Variants in CDH13 observed in about 807,000 individuals in gnomAD.
CDH13 encodes the protein cadherin-13.
Under a neutral mutation model 63.8 loss-of-function variants are expected in CDH13, and 24 were observed. The observed-to-expected ratio is 0.38, with a 90% CI of 0.27 to 0.53. The LOEUF (loss-of-function observed/expected upper bound fraction) is 0.53, where lower values mean the gene tolerates loss of function less well. Ranked by LOEUF, CDH13 falls within the 20% of genes least tolerant of loss-of-function variation. The pLI is 0.85. For missense variants in CDH13, 1,049 were observed against 903.1 expected (o/e 1.16, Z -2.07); for synonymous variants, 503 against 355.3 (o/e 1.42, Z -4.67).
At chr16:83,530,426 G>A (rs529295851) in intron 7 of CDH13, among the ~76,000 whole-genome samples, 2 of 152,240 alleles carry the variant, frequency 1.3e-5, no homozygotes, top group African/African-American at 4.8e-5. Context: ...TCGTAGTCAC[G>A]GAATCAGGAC....
intron 8 of CDH13, among the ~76,000 whole-genome samples, chr16:83,603,342 C>G (rs1413492177): frequency 2.0e-5 from 3 of 152,166 alleles, no homozygotes; most frequent in African/African-American, 7.2e-5. Flanking sequence ...TACGATGGCC[C>G]CTGACTTTTG....
chr16:82,885,333 A>G (rs2040845886), intron 2 of CDH13, among the ~76,000 whole-genome samples: 1 of 152,178 alleles, frequency 6.6e-6, no homozygotes, highest in African/African-American at 2.4e-5. Flanking sequence ...GCTGAAAAAT[A>G]ATCAGTTTTA....
intron 4 of CDH13, among the ~76,000 whole-genome samples, chr16:83,197,541 C>T (rs537664714): frequency 1.3e-5 from 2 of 152,224 alleles, no homozygotes; most frequent in African/African-American, 4.8e-5. Flanking sequence ...CGTCTCCCCT[C>T]CCCACCCTCA....
intron 2 of CDH13, among the ~76,000 whole-genome samples, chr16:83,003,769 C>G (rs1243012099): frequency 6.6e-6 from 1 of 152,212 alleles, no homozygotes; most frequent in Non-Finnish European, 1.5e-5. Flanking sequence ...TCAAAGGTTC[C>G]TTAGAATGTT....
chr16:83,285,004 G>C (rs1351498771), intron 5 of CDH13, among the ~76,000 whole-genome samples: 1 of 152,100 alleles, frequency 6.6e-6, no homozygotes, highest in Non-Finnish European at 1.5e-5. Flanking sequence ...CTGCACAAAT[G>C]TTAACTCTGG....
intron 5 of CDH13, among the ~76,000 whole-genome samples, chr16:83,325,136 G>A (rs560256317): frequency 1.3e-5 from 2 of 152,270 alleles, no homozygotes; most frequent in African/African-American, 4.8e-5. Flanking sequence ...TGTTTCATAA[G>A]TTCTTAAGTG....
intron 3 of CDH13, among the ~76,000 whole-genome samples, chr16:83,075,380 G>A (rs371360169): frequency 4.6e-5 from 7 of 152,168 alleles, no homozygotes; most frequent in East Asian, 1.9e-4. Flanking sequence ...CCCTGTTAGC[G>A]CTAGTTACAT....
intron 2 of CDH13, among the ~76,000 whole-genome samples, chr16:82,911,473 G>C (rs1480033615): frequency 6.6e-6 from 1 of 152,130 alleles, no homozygotes; most frequent in Non-Finnish European, 1.5e-5. Context: ...GCTACATACG[G>C]AATCTTGATG....
chr16:83,568,161 A>G (rs534668923), intron 7 of CDH13, among the ~76,000 whole-genome samples: 27 of 152,096 alleles, frequency 1.8e-4, no homozygotes, highest in Non-Finnish European at 2.8e-4. Flanking sequence ...GTGCTGGTGG[A>G]ACGAAATGAC....
intron 7 of CDH13, among the ~76,000 whole-genome samples, chr16:83,506,961 C>G (rs997237774): frequency 3.9e-5 from 6 of 152,230 alleles, no homozygotes; most frequent in Non-Finnish European, 8.8e-5. Context: ...TCCATATCTC[C>G]AAGCCACAAA....
intron 1 of CDH13, among the ~76,000 whole-genome samples, chr16:82,751,521 C>A (rs2034415052): frequency 6.6e-6 from 1 of 152,086 alleles, no homozygotes; most frequent in South Asian, 2.1e-4. Context: ...TGGACCAGAG[C>A]TCTGGGGCAG....
chr16:83,486,400 G>T (rs1391396164), intron 6 of CDH13, 77 bp from the exon 7 acceptor site: 19 of 1,275,964 alleles, frequency 1.5e-5, no homozygotes, highest in Non-Finnish European at 1.9e-5. Flanking sequence ...CACTGCTATT[G>T]CCCAGGTGGG....
At chr16:83,267,919 A>G (rs1313038492) in intron 5 of CDH13, among the ~76,000 whole-genome samples, 2 of 152,210 alleles carry the variant, frequency 1.3e-5, no homozygotes, top group Non-Finnish European at 2.9e-5. Context: ...GGCCAGACCA[A>G]GTGAAGTGTC....
At chr16:83,318,531 C>T (rs2090153360) in intron 5 of CDH13, among the ~76,000 whole-genome samples, 1 of 152,214 alleles carries the variant, frequency 6.6e-6, no homozygotes, top group Non-Finnish European at 1.5e-5. Context: ...CTGTCTGCTA[C>T]ACGTAAGCTG....
intron 1 of CDH13, among the ~76,000 whole-genome samples, chr16:82,702,867 G>C (rs1220875408): frequency 6.6e-6 from 1 of 152,106 alleles, no homozygotes; most frequent in Non-Finnish European, 1.5e-5. Context: ...TTTGTCTCTA[G>C]ATCTTCCTGT....
intron 6 of CDH13, among the ~76,000 whole-genome samples, chr16:83,354,482 G>C (rs2091016163): frequency 6.6e-6 from 1 of 152,212 alleles, no homozygotes; most frequent in African/African-American, 2.4e-5. Context: ...CTATTCTTAA[G>C]ACATTGCCAC....
intron 6 of CDH13, among the ~76,000 whole-genome samples, chr16:83,353,899 G>C (rs1057370751): frequency 6.6e-6 from 1 of 152,214 alleles, no homozygotes; most frequent in Non-Finnish European, 1.5e-5. Flanking sequence ...GATATTTTAG[G>C]CCCAAGCCGG....
chr16:83,731,415 G>C (rs1445830333), intron 10 of CDH13, among the ~76,000 whole-genome samples: 1 of 152,202 alleles, frequency 6.6e-6, no homozygotes, highest in Non-Finnish European at 1.5e-5. Flanking sequence ...CTGAGGATTA[G>C]TGACGTGGAG....
At chr16:83,049,397 C>T (rs773832093) in intron 3 of CDH13, among the ~76,000 whole-genome samples, 14 of 131,602 alleles carry the variant, frequency 1.1e-4, no homozygotes, top group African/African-American at 3.6e-4. Context: ...TGCAGTGGTG[C>T]GATCTCTATT....
Sources: gnomAD v4.1 joint callset for allele counts (sites outside exome capture counted in the v4.1 genomes callset) on GRCh38, gnomAD v4.1.1 for gene constraint, MANE v1.5 for transcripts, NCBI Gene and HGNC (gene_info 2026-07-23, HGNC 2026-07-21) for gene names.